COMP: variants seen among roughly 807,000 people sequenced by gnomAD.
COMP encodes cartilage oligomeric matrix protein.
In COMP, 79 loss-of-function variants were observed where a neutral mutation model predicts 95.8. The ratio of observed to expected loss-of-function variants is 0.82; its 90% confidence interval spans 0.69 to 0.99. The LOEUF is 0.99. Ranked by LOEUF, COMP falls within the 50% of genes least tolerant of loss-of-function variation. The probability of loss-of-function intolerance (pLI) is 0.00; values close to 1 mark genes in which losing one functional copy is unlikely to be tolerated. For synonymous variants in COMP, 438 were observed against 433.9 expected (o/e 1.01, Z -0.12); for missense variants, 906 against 1,076.1 (o/e 0.84, Z 2.21).
Position 18,789,347 on chromosome 19 carries a change from G to T in COMP, c.391-50C>A. 2.7e-5 allele frequency: 39 copies of T among 1,425,192 alleles called. No individual in the cohort carries two copies. The highest frequency in any genetic ancestry group is 3.6e-5 in the Non-Finnish European group (39 of 1,085,952). 88.3% of individuals were successfully genotyped at this position (1,425,192 alleles called of 1,614,324 possible). On this transcript the variant is annotated intron_variant, in intron 4 of 18. Coordinates refer to ENST00000222271, the MANE Select transcript of COMP (RefSeq NM_000095.3). This position sits in a 1 kb window ranked among gnomAD's most constrained non-coding sequence, Gnocchi z 6.1. Reference sequence around the variant, plus strand: ...GTCAGAGGGCTTCGAGCTGGGCCCTGGGGGCCGCACCTCGTAGTGTCTCGG... The same window carrying T: ...GTCAGAGGGCTTCGAGCTGGGCCCTTGGGGCCGCACCTCGTAGTGTCTCGG...
At chr19:18,786,737 G>C (rs1451376825) in intron 10 of COMP, 87 bp from the exon 11 acceptor site, 1 of 745,734 alleles carries the variant, frequency 1.3e-6, no homozygotes, top group Admixed American at 2.3e-5. Context: ...AGGCTGGCCT[G>C]GAACAGAGTC....
rs747565889 is a variant in COMP, at chr19:18,788,527, G to GT, written c.763-14dup. ...AGCCAACGGCACACTGTGGGAGAGT[G>GT]TAAGTGGGTGCCCTGGAGTGGCCGC... On this transcript the variant is annotated splice_polypyrimidine_tract_variant and intron_variant, in intron 7 of 18. Coordinates refer to ENST00000222271, the MANE Select transcript of COMP (RefSeq NM_000095.3). This position sits in a 1 kb window ranked among gnomAD's most constrained non-coding sequence, Gnocchi z 4.7. 4 of 1,583,802 alleles carry GT rather than the reference G, an allele frequency of 2.5e-6. No individual in the cohort carries two copies. The Admixed American group carries it at 7.2e-5, about 28-fold the overall frequency.
chr19:18,783,292 G>A lies in COMP; in HGVS notation c.2088-99C>T, dbSNP rs558137454. On this transcript the variant is annotated intron_variant, in intron 17 of 18. Coordinates refer to ENST00000222271, the MANE Select transcript of COMP (RefSeq NM_000095.3). The stretch of plus-strand genomic sequence containing the variant: ...CTGGAAGATGGGTACCCCTGACTGG[G>A]CTGCACTGGGAGCAAGTGAGGCCTC... 7.9e-6 allele frequency: 12 copies of A among 1,513,424 alleles called. No individual in the cohort carries two copies. The South Asian group carries it at 1.4e-4, about 18-fold the overall frequency. 93.7% of individuals were successfully genotyped at this position (1,513,424 alleles called of 1,614,324 possible).
In COMP at chr19:18,789,975, C is replaced by T. The variant is rs775643921; in HGVS notation, c.357G>A (p.Thr119=). The change falls in exon 4 of 19, where the codon ACG becomes ACA. Residue 119 remains threonine, a synonymous_variant. Transcript: ENST00000222271. The surrounding 1 kb of genome is among the most constrained non-coding windows in gnomAD (Gnocchi z 6.1). Reference sequence around the variant, plus strand: ...CGTCGGTGCAGTGCGAGCCGTTGCCCGTGAAGCCCGCGGGGCAGGGGCCGC... The same window carrying T: ...CGTCGGTGCAGTGCGAGCCGTTGCCTGTGAAGCCCGCGGGGCAGGGGCCGC... ...ARCGPCPAGF[T]GNGSHCTDVN... 1 of 1,595,336 alleles carries T rather than the reference C, an allele frequency of 6.3e-7. No homozygotes were observed. The highest frequency in any genetic ancestry group is 8.5e-7 in the Non-Finnish European group (1 of 1,178,166).
chr19:18,787,278 G>A (rs980946357), intron 10 of COMP, among the ~76,000 whole-genome samples: 1 of 152,210 alleles, frequency 6.6e-6, no homozygotes, highest in Non-Finnish European at 1.5e-5. Context: ...TTGACACAGG[G>A]ACCACCTTCC....
In COMP at chr19:18,789,883, A is replaced by C; in HGVS notation, c.390+59T>G. 1.9e-6 allele frequency: 3 copies of C among 1,566,786 alleles called. No individual in the cohort carries two copies. The highest frequency in any genetic ancestry group is 2.6e-6 in the Non-Finnish European group (3 of 1,158,514). ...GGAGGAAGGGGTCTCCCGGGCGGCG[A>C]GAGATTGGGGGGCGGTAGAGGGAGT... On this transcript the variant is annotated intron_variant, in intron 4 of 18. Transcript: ENST00000222271. The surrounding 1 kb of genome is among the most constrained non-coding windows in gnomAD (Gnocchi z 6.1).
chr19:18,786,532 C>A lies in COMP; in HGVS notation c.1254G>T (p.Gln418His), dbSNP rs375908187. 11 of 1,613,448 alleles carry A rather than the reference C, an allele frequency of 6.8e-6. No homozygotes were observed. In the African/African-American group the frequency reaches 1.3e-4, roughly 20 times the overall value. Reference protein sequence around the residue: ...DNCPQKSNPDQADVDHDFVGD... With the variant: ...DNCPQKSNPDHADVDHDFVGD... Reference sequence around the variant, plus strand: ...CAGCTGGAGTCTGGCCTGCCCTCACCTGATCCGGGTTGCTCTTCTGGGGAC... The same window carrying A: ...CAGCTGGAGTCTGGCCTGCCCTCACATGATCCGGGTTGCTCTTCTGGGGAC... The change falls in exon 11 of 19, where the codon CAG becomes CAT. Residue 418 changes from glutamine (Q) to histidine (H), a missense_variant and splice_region_variant. Transcript: ENST00000222271.
In COMP at chr19:18,789,082, G is replaced by A; in HGVS notation, c.528+78C>T. On this transcript the variant is annotated intron_variant, in intron 5 of 18. Coordinates refer to ENST00000222271, the MANE Select transcript of COMP (RefSeq NM_000095.3). The surrounding 1 kb of genome is among the most constrained non-coding windows in gnomAD (Gnocchi z 6.1). ...CCACCCCTCCCGCTGGAAGGAGGCTGGAAGAGGAGTTTACTGGTAAACAAA... is the reference window on the plus strand; with the variant it reads ...CCACCCCTCCCGCTGGAAGGAGGCTAGAAGAGGAGTTTACTGGTAAACAAA... 6.4e-7 allele frequency: 1 copy of A among 1,559,432 alleles called. No homozygotes were observed. The highest frequency in any genetic ancestry group is 8.7e-7 in the Non-Finnish European group (1 of 1,152,274).
chr19:18,784,980 G>A lies in COMP; in HGVS notation c.1830C>T (p.Tyr610=), dbSNP rs147854039. The A allele has an allele frequency of 7.7e-5, 125 of 1,614,098 alleles. 1 individual carries two copies. In the African/African-American group the frequency reaches 1.4e-3, roughly 18 times the overall value. Residue 610 remains tyrosine, a synonymous_variant, in exon 16 of 19, where the codon TAC becomes TAT. Transcript: ENST00000222271. The surrounding 1 kb of genome is among the most constrained non-coding windows in gnomAD (Gnocchi z 4.9). ...GCTCCATCTGCTTCCACATGACCAC[G>A]TAGAAGCTGGAGCTGTCCTGGTAGC... ...IFGYQDSSSF[Y]VVMWKQMEQT...
chr19:18,782,988 G>A, intron 18 of COMP, 27 bp from the exon 19 acceptor site: 1 of 1,612,392 alleles, frequency 6.2e-7, no homozygotes, highest in Non-Finnish European at 8.5e-7. Context: ...GGCGGGTGAG[G>A]GCTGAGAAGG....
In COMP at chr19:18,786,515, G is replaced by A. The variant is rs2055168380; in HGVS notation, c.1254+17C>T. ...CACCCAGAGGGCTTACCCAGCTGGAGTCTGGCCTGCCCTCACCTGATCCGG... is the reference window on the plus strand; with the variant it reads ...CACCCAGAGGGCTTACCCAGCTGGAATCTGGCCTGCCCTCACCTGATCCGG... On this transcript the variant is annotated intron_variant, in intron 11 of 18. Transcript: ENST00000222271. 6.2e-7 allele frequency: 1 copy of A among 1,607,240 alleles called. No individual in the cohort carries two copies. The highest frequency in any genetic ancestry group is 8.5e-7 in the Non-Finnish European group (1 of 1,173,752).
At chr19:18,786,867 G>C (rs1047081728) in intron 10 of COMP, 1 of 470,562 alleles carries the variant, frequency 2.1e-6, no homozygotes, top group African/African-American at 2.2e-5. Flanking sequence ...CCACCTCCCG[G>C]GTTCAAATGA....
At position 18,788,533 on chromosome 19, in the gene COMP, G is replaced by T. The variant is rs761522294; in HGVS notation, c.763-19C>A. On this transcript the variant is annotated intron_variant, in intron 7 of 18. Transcript: ENST00000222271. The surrounding 1 kb of genome is among the most constrained non-coding windows in gnomAD (Gnocchi z 4.7). Reference sequence around the variant, plus strand: ...CGGCACACTGTGGGAGAGTGTAAGTGGGTGCCCTGGAGTGGCCGCCACCCA... The same window carrying T: ...CGGCACACTGTGGGAGAGTGTAAGTTGGTGCCCTGGAGTGGCCGCCACCCA... 1.3e-6 allele frequency: 2 copies of T among 1,576,094 alleles called. No individual in the cohort carries two copies. Among genetic ancestry groups the T allele is most frequent in the Non-Finnish European group, 1.7e-6 (2 of 1,161,154 alleles).
intron 10 of COMP, 96 bp downstream of exon 10, chr19:18,787,395 C>G: frequency 6.4e-7 from 1 of 1,568,142 alleles, no homozygotes; most frequent in South Asian, 1.1e-5. Flanking sequence ...CTTACCCCAT[C>G]CGGCTTCCAA....
chr19:18,783,898 C>G (rs1366365926), intron 17 of COMP, among the ~76,000 whole-genome samples: 1 of 152,336 alleles, frequency 6.6e-6, no homozygotes, highest in Non-Finnish European at 1.5e-5. Context: ...GCATGAGCCA[C>G]TGCGCCTGGC....
At chr19:18,782,997 G>T (rs773943832) in intron 18 of COMP, 36 bp from the exon 19 acceptor site, 1 of 1,612,126 alleles carries the variant, frequency 6.2e-7, no homozygotes, top group Admixed American at 1.7e-5. Flanking sequence ...GGGCTGAGAA[G>T]GCCAGCAGGG....
chr19:18,787,470 C>T (rs753872206), intron 10 of COMP, 21 bp downstream of exon 10: 4 of 1,609,582 alleles, frequency 2.5e-6, no homozygotes, highest in Non-Finnish European at 8.5e-7. Context: ...CTCCTCGCCC[C>T]CCAACCCCCA....
chr19:18,785,358 C>T, intron 15 of COMP, 140 bp downstream of exon 15: 1 of 1,143,714 alleles, frequency 8.7e-7, no homozygotes. Context: ...CATATAACCC[C>T]GCCCCTCTGT....
In COMP at chr19:18,784,205, T is replaced by G. The variant is rs1176979583; in HGVS notation, c.2073A>C (p.Gln691His). 6.2e-7 allele frequency: 1 copy of G among 1,613,646 alleles called. No individual in the cohort carries two copies. Among genetic ancestry groups the G allele is most frequent in the Admixed American group, 1.7e-5 (1 of 60,024 alleles). ...SYRWFLQHRPQVGYIRVRFYE... is the reference protein window; with the variant it reads ...SYRWFLQHRPHVGYIRVRFYE... ...GGAGTCCCCACCTGATGTAGCCCAC[T>G]TGGGGCCGGTGCTGCAGGAACCAAC... Residue 691 changes from glutamine (Q) to histidine (H), a missense_variant, in exon 17 of 19, where the codon CAA (glutamine) becomes CAC (histidine). Coordinates refer to ENST00000222271, the MANE Select transcript of COMP (RefSeq NM_000095.3). The surrounding 1 kb of genome is among the most constrained non-coding windows in gnomAD (Gnocchi z 4.9).
Sources: gnomAD v4.1 joint callset for allele counts (sites outside exome capture counted in the v4.1 genomes callset) on GRCh38, gnomAD v4.1.1 for gene constraint, Gnocchi (gnomAD v3.1) non-coding constraint, MANE v1.5 for transcripts, NCBI Gene and HGNC (gene_info 2026-07-23, HGNC 2026-07-21) for gene names.